Variants in MYT1L observed in about 807,000 individuals in gnomAD.
MYT1L encodes the protein myelin transcription factor 1-like protein.
A neutral mutation model predicts 126.7 loss-of-function variants in MYT1L; 12 were observed. The observed-to-expected ratio is 0.09, with a 90% confidence interval of 0.06 to 0.15. The LOEUF (loss-of-function observed/expected upper bound fraction) is 0.15. MYT1L is among the 10% of genes least tolerant of loss of function. MYT1L has a pLI of 1.00. For synonymous variants in MYT1L, 541 were observed against 604.2 expected (o/e 0.90, Z 1.53); for missense variants, 979 against 1,585.2 (o/e 0.62, Z 6.49).
intron 23 of MYT1L, among the ~76,000 whole-genome samples, chr2:1,792,871 C>CAAAAAAAAAAAAAAAAAAAAAAAAAAAA (rs55682787): frequency 2.6e-5 from 2 of 76,290 alleles, no homozygotes; most frequent in Non-Finnish European, 4.7e-5. Context: ...TTCCGTCTCA[C>CAAAAAAAAAAAAAAAAAAAAAAAAAAAA]AAAAAAAAAA....
intron 4 of MYT1L, among the ~76,000 whole-genome samples, chr2:2,043,205 A>T (rs2067750922): frequency 6.6e-6 from 1 of 152,078 alleles, no homozygotes; most frequent in Non-Finnish European, 1.5e-5. Flanking sequence ...TTCCTCCAAA[A>T]TTGAGGACTC....
At chr2:2,055,251 C>A (rs2069362170) in intron 3 of MYT1L, among the ~76,000 whole-genome samples, 1 of 152,138 alleles carries the variant, frequency 6.6e-6, no homozygotes, top group Non-Finnish European at 1.5e-5. Flanking sequence ...TATTTCATAG[C>A]TTATATCATC....
At chr2:2,131,413 T>G (rs1389221818) in intron 3 of MYT1L, among the ~76,000 whole-genome samples, 1 of 152,216 alleles carries the variant, frequency 6.6e-6, no homozygotes, top group Non-Finnish European at 1.5e-5. Flanking sequence ...AGATGTCACC[T>G]TCTCTTTTTA....
At chr2:1,863,713 T>G (rs1484405107) in intron 18 of MYT1L, among the ~76,000 whole-genome samples, 1 of 144,204 alleles carries the variant, frequency 6.9e-6, no homozygotes, top group Non-Finnish European at 1.5e-5. Context: ...GTGGAAGGAC[T>G]TGAACCATGT....
intron 3 of MYT1L, among the ~76,000 whole-genome samples, chr2:2,111,461 AG>A (rs2079447944): frequency 6.6e-6 from 1 of 152,258 alleles, no homozygotes. Context: ...AACAGGGACT[AG>A]CAACCAGCAT....
chr2:2,178,837 G>A (rs2091110641), intron 2 of MYT1L, among the ~76,000 whole-genome samples: 1 of 152,190 alleles, frequency 6.6e-6, no homozygotes, highest in Admixed American at 6.5e-5. Context: ...GAAGGCCCAG[G>A]ACAGGGTGAC....
chr2:1,942,970 T>TTTAAAGATTACCG lies in MYT1L; in HGVS notation c.504_505+11dup, dbSNP rs1489188284. ...TCACGACTTGTTACTTTGCTAATAT[T>TTTAAAGATTACCG]TTAAAGATTACCGTTTTCTTCTTCC... On this transcript the variant is annotated intron_variant, in intron 9 of 24. Transcript: ENST00000647738. 1 of 1,519,422 alleles carries TTTAAAGATTACCG rather than the reference T, an allele frequency of 6.6e-7. No individual in the cohort carries two copies. The highest frequency in any genetic ancestry group is 1.4e-5 in the African/African-American group (1 of 72,524). The allele number at this position is 1,519,422 out of a possible 1,614,324, so 94.1% of individuals were successfully genotyped here.
At chr2:2,198,380 G>A (rs1398272947) in intron 2 of MYT1L, among the ~76,000 whole-genome samples, 1 of 151,902 alleles carries the variant, frequency 6.6e-6, no homozygotes, top group African/African-American at 2.4e-5. Flanking sequence ...CAAATAACAA[G>A]GTATTGCGTA....
intron 2 of MYT1L, among the ~76,000 whole-genome samples, chr2:2,204,237 T>C (rs1478087965): frequency 7.2e-5 from 11 of 152,086 alleles, no homozygotes; most frequent in South Asian, 2.1e-4. Context: ...AAAGCAATGG[T>C]AACAAAAGCC....
At chr2:2,263,611 C>T (rs577446910) in intron 2 of MYT1L, among the ~76,000 whole-genome samples, 1 of 152,298 alleles carries the variant, frequency 6.6e-6, no homozygotes, top group East Asian at 1.9e-4. Flanking sequence ...ACTTACAGCA[C>T]CTGTCAGCTG....
intron 4 of MYT1L, among the ~76,000 whole-genome samples, chr2:2,007,244 T>G (rs995868177): frequency 3.3e-5 from 5 of 152,136 alleles, no homozygotes; most frequent in African/African-American, 1.2e-4. Flanking sequence ...TAATGTACTG[T>G]TTTTCATAAT....
intron 19 of MYT1L, among the ~76,000 whole-genome samples, chr2:1,843,988 T>C (rs1572787446): frequency 6.6e-6 from 1 of 152,302 alleles, no homozygotes; most frequent in Non-Finnish European, 1.5e-5. Context: ...GCTCAGGAGC[T>C]CTCATCTGAA....
intron 2 of MYT1L, among the ~76,000 whole-genome samples, chr2:2,205,091 ATCACAT>A (rs1393544158): frequency 7.8e-6 from 1 of 127,788 alleles, no homozygotes; most frequent in Non-Finnish European, 1.6e-5. Context: ...GAAGGGGAAC[ATCACAT>A]ACAGGGGCCT....
intron 3 of MYT1L, among the ~76,000 whole-genome samples, chr2:2,101,496 T>C (rs771819956): frequency 5.9e-5 from 9 of 152,272 alleles, no homozygotes; most frequent in Middle Eastern, 3.4e-3. Context: ...TGTTATTAAA[T>C]GGATGGATGC....
At chr2:2,047,627 A>AT (rs1363278464) in intron 4 of MYT1L, among the ~76,000 whole-genome samples, 1 of 152,168 alleles carries the variant, frequency 6.6e-6, no homozygotes, top group Non-Finnish European at 1.5e-5. Flanking sequence ...CTCAACACCG[A>AT]TTTTTCATGA....
At chr2:2,183,386 G>A (rs2091750419) in intron 2 of MYT1L, among the ~76,000 whole-genome samples, 1 of 152,148 alleles carries the variant, frequency 6.6e-6, no homozygotes, top group African/African-American at 2.4e-5. Flanking sequence ...AGGAGAGAAA[G>A]GGTGGGGCCA....
chr2:2,112,501 G>A (rs1687917), intron 3 of MYT1L, among the ~76,000 whole-genome samples: 9,828 of 152,246 alleles, frequency 0.065, 938 homozygotes, highest in African/African-American at 0.21. Flanking sequence ...TCATGCACAC[G>A]ATGCAGTGTG....
rs118172475 is a variant in MYT1L, at chr2:2,321,251, A to C, written c.-521+9716T>G. Reference sequence around the variant, plus strand: ...ATGCATTAGGGCAGGTGGGAGTTTCAGAGAAGCACAGGGTCCACCGGCAGA... The same window carrying C: ...ATGCATTAGGGCAGGTGGGAGTTTCCGAGAAGCACAGGGTCCACCGGCAGA... On this transcript the variant is annotated intron_variant, in intron 1 of 24. Coordinates refer to ENST00000647738, the MANE Select transcript of MYT1L (RefSeq NM_001303052.2). 3.1e-4 allele frequency among the ~76,000 whole-genome samples: 47 copies of C among 152,300 alleles called. No homozygotes were observed. The East Asian group carries it at 8.5e-3, about 28-fold the overall frequency.
intron 2 of MYT1L, among the ~76,000 whole-genome samples, chr2:2,260,982 T>C (rs191444490): frequency 1.2e-4 from 19 of 152,348 alleles, no homozygotes; most frequent in African/African-American, 4.6e-4. Context: ...TCCTTGATAC[T>C]TTGTTAACGG....
Sources: gnomAD v4.1 joint callset for allele counts (sites outside exome capture counted in the v4.1 genomes callset) on GRCh38, gnomAD v4.1.1 for gene constraint, MANE v1.5 for transcripts, NCBI Gene and HGNC (gene_info 2026-07-23, HGNC 2026-07-21) for gene names.